TNFRSF10A: variants seen among roughly 807,000 people sequenced by gnomAD.
The protein encoded by TNFRSF10A is tumor necrosis factor receptor superfamily member 10A.
A neutral mutation model predicts 42.8 loss-of-function variants in TNFRSF10A; 44 were observed. The ratio of observed to expected loss-of-function variants is 1.03; its 90% confidence interval spans 0.81 to 1.32. The LOEUF is 1.32. TNFRSF10A is among the 40% of genes most tolerant of loss of function. TNFRSF10A has a pLI of 0.00. For synonymous variants in TNFRSF10A, 259 were observed against 234.2 expected (o/e 1.11, Z -0.97); for missense variants, 680 against 602.0 (o/e 1.13, Z -1.36).
chr8:23,224,716 G>A (rs760129662), intron 1 of TNFRSF10A, 40 bp downstream of exon 1: 18 of 1,537,466 alleles, frequency 1.2e-5, no homozygotes, highest in Non-Finnish European at 1.5e-5. Context: ...CCCGGTGCCA[G>A]GCGCGCTTTT....
At chr8:23,213,150 T>C (rs1801113785) in intron 1 of TNFRSF10A, among the ~76,000 whole-genome samples, 1 of 152,168 alleles carries the variant, frequency 6.6e-6, no homozygotes, top group Admixed American at 6.5e-5. Flanking sequence ...AATTTACCAG[T>C]TTTATCAATG....
chr8:23,197,247 C>A, intron 8 of TNFRSF10A, 43 bp from the exon 9 acceptor site: 1 of 1,611,654 alleles, frequency 6.2e-7, no homozygotes, highest in Non-Finnish European at 8.5e-7. Flanking sequence ...AGTCAGGGGT[C>A]CTGCAGTCTA....
At chr8:23,207,135 C>G (rs1285077141) in intron 2 of TNFRSF10A, 7 of 585,606 alleles carry the variant, frequency 1.2e-5, no homozygotes, top group South Asian at 2.8e-5. Flanking sequence ...CAAGCTTCCA[C>G]TGACCACTGA....
At chr8:23,192,105 G>A (rs2128845903) in intron 9 of TNFRSF10A, 92 bp from the exon 10 acceptor site, 1 of 1,506,872 alleles carries the variant, frequency 6.6e-7, no homozygotes, top group African/African-American at 1.4e-5. Context: ...AACCCAAGGA[G>A]AGAACCTGGA....
chr8:23,219,791 C>T (rs1423626027), intron 1 of TNFRSF10A, among the ~76,000 whole-genome samples: 3 of 152,164 alleles, frequency 2.0e-5, no homozygotes, highest in South Asian at 2.1e-4. Context: ...GACATGGGGG[C>T]GAGGGTGTGA....
intron 1 of TNFRSF10A, chr8:23,224,358 A>C: frequency 2.8e-5 from 5 of 177,032 alleles, no homozygotes; most frequent in Non-Finnish European, 4.8e-5. Flanking sequence ...TGGGGAGGGA[A>C]TCAGGGAGTG....
At chr8:23,193,494 G>T (rs932391373) in intron 9 of TNFRSF10A, among the ~76,000 whole-genome samples, 18 of 152,196 alleles carry the variant, frequency 1.2e-4, no homozygotes, top group African/African-American at 4.1e-4. Flanking sequence ...ATTTCCATTT[G>T]CAGGTTGAAC....
chr8:23,204,433 T>G (rs1668824905), intron 2 of TNFRSF10A, among the ~76,000 whole-genome samples: 1 of 152,216 alleles, frequency 6.6e-6, no homozygotes, highest in African/African-American at 2.4e-5. Context: ...AGAAAATACT[T>G]GCAATGAAAA....
chr8:23,211,049 T>C (rs963893583), intron 2 of TNFRSF10A, among the ~76,000 whole-genome samples: 1 of 152,188 alleles, frequency 6.6e-6, no homozygotes, highest in Non-Finnish European at 1.5e-5. Context: ...CTGGAGGCTC[T>C]AGCCAGGACA....
intron 1 of TNFRSF10A, among the ~76,000 whole-genome samples, chr8:23,217,436 C>T (rs574465955): frequency 6.6e-6 from 1 of 152,180 alleles, no homozygotes; most frequent in South Asian, 2.1e-4. Flanking sequence ...AGGATGGTCT[C>T]GATCTCCTTG....
rs2128845764 is a variant in TNFRSF10A, at chr8:23,191,696, A to T, written c.1405T>A (p.Ter469ArgextTer15). ...DGTGSAVSLE[*>R] ...AAACCTCTGGTAAAAAGAGTCTTTC[A>T]CTCCAAGGACACGGCAGAGCCTGTG... The change falls in exon 10 of 10, where the codon TGA becomes AGA. Residue 469 changes from the stop codon to arginine (R), a stop_lost. Transcript: ENST00000221132. The T allele has an allele frequency of 6.2e-7, 1 of 1,611,094 alleles. No homozygotes were observed. The highest frequency in any genetic ancestry group is 8.5e-7 in the Non-Finnish European group (1 of 1,178,638).
Position 23,205,933 on chromosome 8 carries a change from G to T in TNFRSF10A, c.404-3172C>A, listed in dbSNP as rs532962172. The stretch of plus-strand genomic sequence containing the variant: ...GGGTTTCACTGTGTTAGCCAGGATG[G>T]TCTCGATCTCCTGACCTCGTGATCC... On this transcript the variant is annotated intron_variant, in intron 2 of 9. Transcript: ENST00000221132. Among the ~76,000 whole-genome samples the T allele has an allele frequency of 9.1e-3, 1,383 of 152,062 alleles. 11 individuals carry two copies. Among genetic ancestry groups the T allele is most frequent in the Non-Finnish European group, 0.015 (994 of 67,988 alleles).
chr8:23,209,865 T>C (rs1005679398), intron 2 of TNFRSF10A, among the ~76,000 whole-genome samples: 1 of 152,072 alleles, frequency 6.6e-6, no homozygotes, highest in Non-Finnish European at 1.5e-5. Context: ...GAAGGCATGA[T>C]TGGTTTTGAA....
intron 3 of TNFRSF10A, 63 bp from the exon 4 acceptor site, chr8:23,201,982 A>G: frequency 7.0e-7 from 1 of 1,427,800 alleles, no homozygotes; most frequent in Non-Finnish European, 9.8e-7. Context: ...ACCTTTCCTC[A>G]CCACCCCAAC....
At position 23,199,275 on chromosome 8, in the gene TNFRSF10A, CTG is replaced by C; in HGVS notation, c.1003_1004del (p.Gln335ValfsTer9). On this transcript the variant is annotated frameshift_variant, in exon 8 of 10. Transcript: ENST00000221132. LOFTEE classifies it high-confidence loss of function. ...CCTGTCCCCAACTCACCAGCAGACA[CTG>C]TGCCTCCCCTGGGGACTGTACAGTG... ...GVTVQSPGEAQCLLGPAEAEG... is the reference protein window; with the variant it reads ...GVTVQSPGEAXCLLGPAEAEG... The C allele has an allele frequency of 6.2e-7, 1 of 1,613,152 alleles. No individual in the cohort carries two copies. Among genetic ancestry groups the C allele is most frequent in the African/African-American group, 1.3e-5 (1 of 75,032 alleles).
chr8:23,217,841 AG>A (rs887055797), intron 1 of TNFRSF10A, among the ~76,000 whole-genome samples: 53 of 152,348 alleles, frequency 3.5e-4, no homozygotes, highest in African/African-American at 1.2e-3. Flanking sequence ...TCCAGTTCCC[AG>A]GGAGATGAGG....
intron 9 of TNFRSF10A, among the ~76,000 whole-genome samples, chr8:23,196,532 T>G (rs1355631374): frequency 2.0e-5 from 3 of 152,114 alleles, no homozygotes; most frequent in Non-Finnish European, 4.4e-5. Context: ...TATAAACCCC[T>G]AGTTTTAGTC....
intron 2 of TNFRSF10A, among the ~76,000 whole-genome samples, chr8:23,206,049 A>C (rs571202547): frequency 1.3e-5 from 2 of 152,316 alleles, no homozygotes; most frequent in East Asian, 3.9e-4. Flanking sequence ...TTTTAACAAA[A>C]AAATTTTTAA....
chr8:23,192,038 A>T (rs776821445), intron 9 of TNFRSF10A, 25 bp from the exon 10 acceptor site: 45 of 1,596,916 alleles, frequency 2.8e-5, no homozygotes, highest in Non-Finnish European at 3.7e-5. Context: ...CCACAGAGAC[A>T]GCCAGATGAG....
Sources: gnomAD v4.1 joint callset for allele counts (sites outside exome capture counted in the v4.1 genomes callset) on GRCh38, gnomAD v4.1.1 for gene constraint, MANE v1.5 for transcripts, NCBI Gene and HGNC (gene_info 2026-07-23, HGNC 2026-07-21) for gene names.